Variants in NNT observed in about 807,000 individuals in gnomAD.
NNT encodes NAD(P) transhydrogenase, mitochondrial.
Under a neutral mutation model 104.8 loss-of-function variants are expected in NNT, and 50 were observed. The ratio of observed to expected loss-of-function variants is 0.48; its 90% CI spans 0.38 to 0.60. NNT has a LOEUF of 0.60. NNT is among the 20% of genes least tolerant of loss of function. NNT has a pLI of 0.00. For synonymous variants in NNT, 461 were observed against 490.4 expected, an observed-to-expected ratio of 0.94 and a Z score of 0.79; for missense variants, 1,131 against 1,330.7, an observed-to-expected ratio of 0.85 and a Z score of 2.33.
intron 2 of NNT, among the ~76,000 whole-genome samples, chr5:43,612,184 C>T (rs970686628): frequency 6.6e-6 from 1 of 152,192 alleles, no homozygotes; most frequent in Non-Finnish European, 1.5e-5. Flanking sequence ...ATCTACTCTC[C>T]TTGTCCCTCT....
At chr5:43,612,838 T>C in intron 2 of NNT, 70 bp from the exon 3 acceptor site, 3 of 1,141,264 alleles carry the variant, frequency 2.6e-6, no homozygotes, top group Non-Finnish European at 3.9e-6. Flanking sequence ...TTTTCTGAAA[T>C]CTGTTTTTAA....
intron 4 of NNT, among the ~76,000 whole-genome samples, chr5:43,617,778 C>G (rs969273396): frequency 3.9e-5 from 6 of 152,014 alleles, no homozygotes; most frequent in Non-Finnish European, 8.8e-5. Context: ...TTACAGTGGC[C>G]TTTGAATCTT....
intron 19 of NNT, among the ~76,000 whole-genome samples, chr5:43,687,693 T>C: frequency 6.6e-6 from 1 of 152,206 alleles, no homozygotes; most frequent in East Asian, 1.9e-4. Flanking sequence ...TGCAAGTAGA[T>C]ATAAAATGAT....
At chr5:43,636,652 A>G (rs760931812) in intron 7 of NNT, among the ~76,000 whole-genome samples, 11 of 152,212 alleles carry the variant, frequency 7.2e-5, no homozygotes, top group Admixed American at 2.6e-4. Flanking sequence ...GCTAATGTAC[A>G]TCTATACATA....
Position 43,651,832 on chromosome 5 carries a change from C to T in NNT, c.1811C>T (p.Thr604Ile). The T allele has an allele frequency of 2.5e-6, 4 of 1,614,068 alleles. No homozygotes were observed. The highest frequency in any genetic ancestry group is 3.4e-6 in the Non-Finnish European group (4 of 1,180,016). The part of the protein sequence containing the change: ...YNYLYLLPAG[T>I]FVGGYLAALY... Reference sequence around the variant, plus strand: ...TACCTGTACCTGCTCCCTGCCGGCACCTTTGTTGGTGGATATTTAGCTGCC... The same window carrying T: ...TACCTGTACCTGCTCCCTGCCGGCATCTTTGTTGGTGGATATTTAGCTGCC... Residue 604 changes from threonine to isoleucine, a missense_variant, in exon 13 of 22, where the codon ACC (threonine) becomes ATC (isoleucine). Transcript: ENST00000344920.
rs572263462 is a variant in NNT, at chr5:43,648,982, A to AT, written c.1445-164dup. The stretch of plus-strand genomic sequence containing the variant: ...TGGGTTTTGTCCACAGTATTCCTCC[A>AT]TCCCCCCACTTCTCAACTGTCAAAT... On this transcript the variant is annotated intron_variant, in intron 10 of 21. Transcript: ENST00000344920. Among the ~76,000 whole-genome samples the AT allele has an allele frequency of 3.9e-5, 6 of 152,286 alleles. No individual in the cohort carries two copies. The South Asian group carries it at 1.0e-3, about 26-fold the overall frequency.
Position 43,685,221 on chromosome 5 carries a change from A to T in NNT, c.2876+7415A>T, listed in dbSNP as rs535242142. ...TGTTTAACAAATGAGCCTTCTTTTT[A>T]TTTTCTGTTTATGTATTTTGCCTAA... On this transcript the variant is annotated intron_variant, in intron 19 of 21. Coordinates refer to ENST00000344920, the MANE Select transcript of NNT (RefSeq NM_182977.3). Among the ~76,000 whole-genome samples, 6 of 152,202 alleles carry T rather than the reference A, an allele frequency of 3.9e-5. No homozygotes were observed. In the South Asian group the frequency reaches 1.2e-3, roughly 32 times the overall value.
chr5:43,691,285 A>G (rs1179812284), intron 19 of NNT, among the ~76,000 whole-genome samples: 2 of 152,094 alleles, frequency 1.3e-5, no homozygotes, highest in Non-Finnish European at 1.5e-5. Context: ...ATTTTTTAAA[A>G]TAGAGAAAAG....
At chr5:43,691,070 AGTGTGTGTGTGTGTGTGTGTGTGTGT>A (rs56075202) in intron 19 of NNT, among the ~76,000 whole-genome samples, 1 of 137,502 alleles carries the variant, frequency 7.3e-6, no homozygotes, top group South Asian at 2.4e-4. Context: ...TTTTTGAGAG[AGTGTGTGTGTGTGTGTGTGTGTGTGT>A]GTGTGTGTGT....
At position 43,649,189 on chromosome 5, in the gene NNT, T is replaced by C; in HGVS notation, c.1487T>C (p.Leu496Pro). The C allele has an allele frequency of 6.2e-7, 1 of 1,614,240 alleles. No individual in the cohort carries two copies. The highest frequency in any genetic ancestry group is 8.5e-7 in the Non-Finnish European group (1 of 1,180,022). ...ILGLGIAAPN[L>P]AFSQMVTTFG... is the part of the protein sequence containing the mutation. ...GGTTTGGGCATTGCGGCTCCCAATC[T>C]AGCCTTTTCTCAGATGGTGACCACT... The change falls in exon 11 of 22, where the codon CTA (leucine) becomes CCA (proline). Residue 496 changes from leucine (L) to proline (P), a missense_variant. Transcript: ENST00000344920.
chr5:43,682,173 A>G (rs1191794833), intron 19 of NNT, among the ~76,000 whole-genome samples: 3 of 149,770 alleles, frequency 2.0e-5, no homozygotes, highest in Non-Finnish European at 4.4e-5. Flanking sequence ...TTGAAAATAT[A>G]AAATATTTTG....
chr5:43,702,508 T>C (rs936573795), intron 20 of NNT, 113 bp from the exon 21 acceptor site: 3 of 654,076 alleles, frequency 4.6e-6, no homozygotes, highest in Non-Finnish European at 7.2e-6. Context: ...CAAGTGCGAA[T>C]CCTATATTTT....
intron 19 of NNT, among the ~76,000 whole-genome samples, chr5:43,684,513 C>T (rs1386591249): frequency 6.6e-6 from 1 of 151,978 alleles, no homozygotes; most frequent in Non-Finnish European, 1.5e-5. Context: ...TACAACCCAT[C>T]TCATTCGTTA....
chr5:43,694,810 T>C (rs2112217960), intron 19 of NNT, among the ~76,000 whole-genome samples: 1 of 151,414 alleles, frequency 6.6e-6, no homozygotes, highest in East Asian at 2.0e-4. Flanking sequence ...AGAATGATGC[T>C]GGCCTTACAG....
intron 17 of NNT, among the ~76,000 whole-genome samples, chr5:43,662,785 T>G (rs766784380): frequency 9.3e-5 from 14 of 151,058 alleles, no homozygotes; most frequent in Non-Finnish European, 1.8e-4. Context: ...CCCAGCTACT[T>G]GGGGGGCTGA....
intron 7 of NNT, among the ~76,000 whole-genome samples, chr5:43,639,155 C>G (rs946251131): frequency 1.8e-4 from 27 of 151,942 alleles, no homozygotes; most frequent in African/African-American, 6.5e-4. Context: ...ATTTTTTCTC[C>G]AGTCACAGAT....
chr5:43,692,397 C>T (rs979453562), intron 19 of NNT, among the ~76,000 whole-genome samples: 1 of 152,142 alleles, frequency 6.6e-6, no homozygotes, highest in African/African-American at 2.4e-5. Flanking sequence ...GATCCCAGCT[C>T]ACTGCCACCT....
At chr5:43,630,205 T>G (rs1233716619) in intron 7 of NNT, among the ~76,000 whole-genome samples, 1 of 152,218 alleles carries the variant, frequency 6.6e-6, no homozygotes, top group Non-Finnish European at 1.5e-5. Flanking sequence ...TTGCCAATTA[T>G]CCCAGCACCA....
At chr5:43,646,094 A>G (rs1739411378) in intron 10 of NNT, among the ~76,000 whole-genome samples, 1 of 152,124 alleles carries the variant, frequency 6.6e-6, no homozygotes, top group Admixed American at 6.6e-5. Context: ...CGGGCCTGAC[A>G]GACTTGGTTT....
Sources: gnomAD v4.1 joint callset for allele counts (sites outside exome capture counted in the v4.1 genomes callset) on GRCh38, gnomAD v4.1.1 for gene constraint, MANE v1.5 for transcripts, NCBI Gene and HGNC (gene_info 2026-07-23, HGNC 2026-07-21) for gene names.